CRYBA4: variants seen among roughly 807,000 people sequenced by gnomAD.
The protein encoded by CRYBA4 is crystallin beta A4.
Under a neutral mutation model 31.7 loss-of-function variants are expected in CRYBA4, and 30 were observed. The observed-to-expected ratio is 0.95, with a 90% CI of 0.71 to 1.28. CRYBA4 has a LOEUF of 1.28. Among genes scored for constraint, CRYBA4 ranks in the 50% most tolerant of loss-of-function variants. CRYBA4 has a pLI of 0.00. For synonymous variants in CRYBA4, 102 were observed against 102.3 expected (o/e 1.00, Z 0.02); for missense variants, 225 against 260.7 (o/e 0.86, Z 0.94).
chr22:26,625,583 C>T lies in CRYBA4; in HGVS notation c.261C>T (p.Pro87=), dbSNP rs755291821. 41 of 1,613,860 alleles carry T rather than the reference C, an allele frequency of 2.5e-5. No individual in the cohort carries two copies. The highest frequency in any genetic ancestry group is 5.5e-5 in the South Asian group (5 of 91,062). ...CCTGGGGCGGCAACACGGCCTACCC[C>T]GCCGAGAGGCTCACCTCCTTCCGGC... ...WDAWGGNTAY[P]AERLTSFRPA... is the part of the protein sequence containing the mutation. Residue 87 remains proline (P), a synonymous_variant, in exon 4 of 6, where the codon CCC becomes CCT. Transcript: ENST00000354760.
chr22:26,622,522 A>G (rs368215007), intron 1 of CRYBA4, 63 bp from the exon 2 acceptor site: 246 of 1,431,296 alleles, frequency 1.7e-4, no homozygotes, highest in Non-Finnish European at 2.3e-4. Flanking sequence ...CAAGCCAGCC[A>G]TCTGCATAAA....
upstream of CRYBA4, among the ~76,000 whole-genome samples, chr22:26,618,983 A>G (rs1220604802): frequency 6.6e-6 from 1 of 152,184 alleles, no homozygotes; most frequent in African/African-American, 2.4e-5. Flanking sequence ...TGCCTGTCCC[A>G]GAGCCTCCTG....
At chr22:26,603,751 AAATAAT>A in the CRYBA4 span, among the ~76,000 whole-genome samples, 3 of 149,820 alleles carry the variant, frequency 2.0e-5, no homozygotes, top group Non-Finnish European at 3.0e-5. Context: ...TAAAAATACA[AAATAAT>A]AATAATAATA....
intron 1 of CRYBA4, 69 bp from the exon 2 acceptor site, chr22:26,622,516 C>A: frequency 1.4e-6 from 2 of 1,393,110 alleles, no homozygotes; most frequent in Non-Finnish European, 2.0e-6. Flanking sequence ...CAGGTCCAAG[C>A]CAGCCATCTG....
the CRYBA4 span, chr22:26,599,128 T>C: frequency 7.2e-6 from 2 of 278,340 alleles, no homozygotes; most frequent in Admixed American, 4.8e-5. Context: ...ATGCCCTGGC[T>C]GGACCATCTC....
At chr22:26,611,271 G>T in the CRYBA4 span, among the ~76,000 whole-genome samples, 3 of 152,140 alleles carry the variant, frequency 2.0e-5, no homozygotes, top group African/African-American at 7.2e-5. Context: ...CATAAGAATA[G>T]CCTCTGCCTC....
At chr22:26,596,696 G>A in the CRYBA4 span, 1 of 152,144 alleles carries the variant, frequency 6.6e-6, no homozygotes, top group African/African-American at 2.4e-5. Context: ...CTGTGAAGAT[G>A]GACTCCACTG....
the CRYBA4 span, among the ~76,000 whole-genome samples, chr22:26,600,197 C>T: frequency 3.9e-5 from 6 of 152,006 alleles, no homozygotes; most frequent in African/African-American, 1.2e-4. Flanking sequence ...GTCAGGAGAT[C>T]GAGACCATCC....
At chr22:26,596,527 G>A in the CRYBA4 span, 1 of 152,176 alleles carries the variant, frequency 6.6e-6, no homozygotes, top group East Asian at 1.9e-4. Flanking sequence ...CTTTCAATAA[G>A]TATAAAAATT....
intron 3 of CRYBA4, among the ~76,000 whole-genome samples, chr22:26,623,964 G>T (rs780990756): frequency 6.6e-6 from 1 of 152,196 alleles, no homozygotes; most frequent in African/African-American, 2.4e-5. Context: ...GACCATTGAG[G>T]ATTTGAAAGG....
At chr22:26,627,535 C>T (rs1405750065) in intron 4 of CRYBA4, among the ~76,000 whole-genome samples, 2 of 63,900 alleles carry the variant, frequency 3.1e-5, no homozygotes, top group African/African-American at 5.7e-5. Flanking sequence ...TCTTTCTTTC[C>T]TTTTCTTTCT....
chr22:26,622,605 G>A lies in CRYBA4; in HGVS notation c.9G>A (p.Leu3=). MT[L]QCTKSAGPWK... ...TGCAGGAAGGGGCCACAATGACCCT[G>A]CAATGCACAAAGTCAGCGGGACCCT... Residue 3 remains leucine, a synonymous_variant, in exon 2 of 6, where the codon CTG becomes CTA. Coordinates refer to ENST00000354760, the MANE Select transcript of CRYBA4 (RefSeq NM_001886.3). 6.2e-7 allele frequency: 1 copy of A among 1,612,232 alleles called. No individual in the cohort carries two copies. The highest frequency in any genetic ancestry group is 1.7e-5 in the Admixed American group (1 of 59,958).
upstream of CRYBA4, among the ~76,000 whole-genome samples, chr22:26,619,866 G>A (rs1929477026): frequency 6.6e-6 from 1 of 152,242 alleles, no homozygotes; most frequent in African/African-American, 2.4e-5. Context: ...GAGGGTGGGG[G>A]CAGAGAAGGG....
the CRYBA4 span, among the ~76,000 whole-genome samples, chr22:26,616,636 C>T: frequency 6.6e-6 from 1 of 152,234 alleles, no homozygotes; most frequent in Non-Finnish European, 1.5e-5. Flanking sequence ...CAATTTTCCA[C>T]ACTGCTTATC....
At chr22:26,591,890 TACACACAC>T in the CRYBA4 span, among the ~76,000 whole-genome samples, 184 of 135,952 alleles carry the variant, frequency 1.4e-3, 1 homozygote, top group Middle Eastern at 0.019. Context: ...CCTGGGTGAG[TACACACAC>T]ACACACACAC....
the CRYBA4 span, among the ~76,000 whole-genome samples, chr22:26,594,019 AATG>A: frequency 1.3e-5 from 2 of 152,222 alleles, no homozygotes; most frequent in Admixed American, 1.3e-4. Context: ...TCAGAGCTGG[AATG>A]CAAACTCAGG....
At chr22:26,595,264 T>C in the CRYBA4 span, among the ~76,000 whole-genome samples, 1 of 152,212 alleles carries the variant, frequency 6.6e-6, no homozygotes, top group African/African-American at 2.4e-5. Flanking sequence ...GTTTCAGTGA[T>C]GCTAATATGC....
the CRYBA4 span, among the ~76,000 whole-genome samples, chr22:26,591,760 G>A: frequency 7.4e-6 from 1 of 135,078 alleles, no homozygotes; most frequent in Non-Finnish European, 1.6e-5. Context: ...AAAAAAAAAT[G>A]AGCAGGGCAT....
intron 5 of CRYBA4, 114 bp downstream of exon 5, chr22:26,628,544 A>G (rs1929822407): frequency 8.0e-7 from 1 of 1,252,276 alleles, no homozygotes; most frequent in Non-Finnish European, 1.1e-6. Context: ...CACATTCCAG[A>G]GGAGAACACT....
Sources: allele counts gnomAD v4.1 joint callset (sites outside exome capture counted in the v4.1 genomes callset), GRCh38; gene constraint gnomAD v4.1.1; transcripts MANE v1.5; gene names NCBI Gene and HGNC (gene_info 2026-07-23, HGNC 2026-07-21).